The following CCDC157 variants were observed in gnomAD, a reference collection of about 807,000 sequenced individuals.
The protein encoded by CCDC157 is coiled-coil domain-containing protein 157.
A neutral mutation model predicts 70.9 loss-of-function variants in CCDC157; 60 were observed. The observed-to-expected ratio is 0.85, with a 90% CI of 0.69 to 1.05. CCDC157 has a LOEUF of 1.05. CCDC157 is among the 50% of genes least tolerant of loss of function. The probability of loss-of-function intolerance (pLI) is 0.00; values close to 1 mark genes in which losing one functional copy is unlikely to be tolerated. For missense variants in CCDC157, 943 were observed against 984.2 expected (o/e 0.96, Z 0.56); for synonymous variants, 373 against 422.4 (o/e 0.88, Z 1.43).
At chr22:30,365,818 C>A in intron 2 of CCDC157, 172 bp from the exon 3 acceptor site, 1 of 641,422 alleles carries the variant, frequency 1.6e-6, no homozygotes, top group Non-Finnish European at 2.7e-6. Context: ...TAAGGCCACC[C>A]AGAACCGGGT....
rs751342578 is a variant in CCDC157, at chr22:30,372,258, G to A, written c.1307G>A (p.Arg436His). The A allele has an allele frequency of 6.9e-6, 11 of 1,587,642 alleles. No individual in the cohort carries two copies. The highest frequency in any genetic ancestry group is 2.3e-5 in the South Asian group (2 of 88,450). The change falls in exon 7 of 12, where the codon CGT (arginine) becomes CAT (histidine). Residue 436 changes from arginine (R) to histidine (H), a missense_variant. By Grantham distance (29) the Arg-to-His change is conservative. Coordinates refer to ENST00000338306, the MANE Select transcript of CCDC157 (RefSeq NM_001017437.5). ...ACGGAGCTGGATAAGGAGAAGGCCC[G>A]TGTCGACAGCATGGTCCGCCACCAG... The part of the protein sequence containing the change: ...ASTELDKEKA[R>H]VDSMVRHQES...
At chr22:30,364,771 C>T (rs555159590) in intron 2 of CCDC157, among the ~76,000 whole-genome samples, 36 of 150,708 alleles carry the variant, frequency 2.4e-4, no homozygotes, top group Non-Finnish European at 3.5e-4. Context: ...GCTGAGATCA[C>T]GCCACTGTAC....
intron 5 of CCDC157, 71 bp downstream of exon 5, chr22:30,371,021 GAC>G (rs1932916224): frequency 3.3e-6 from 5 of 1,502,262 alleles, no homozygotes; most frequent in Non-Finnish European, 4.5e-6. Flanking sequence ...ATGTTTGTGA[GAC>G]AGGGCTTCCA....
intron 1 of CCDC157, among the ~76,000 whole-genome samples, chr22:30,360,135 C>A (rs1932228933): frequency 6.6e-6 from 1 of 152,114 alleles, no homozygotes; most frequent in Admixed American, 6.5e-5. Flanking sequence ...CAGAGTGAGA[C>A]CCTGTCTCTA....
At chr22:30,364,383 G>A (rs1396771931) in intron 2 of CCDC157, among the ~76,000 whole-genome samples, 1 of 152,006 alleles carries the variant, frequency 6.6e-6, no homozygotes, top group African/African-American at 2.4e-5. Context: ...CAAATTTAAG[G>A]TGATGGATAT....
intron 3 of CCDC157, chr22:30,368,854 C>T (rs2145907332): frequency 1.3e-5 from 2 of 152,360 alleles, no homozygotes; most frequent in Admixed American, 1.3e-4. Flanking sequence ...CTTTTTCTTA[C>T]AATTCATGCC....
rs377629910 is a variant in CCDC157 at position 30,366,231 on chromosome 22, G to A, written c.231G>A (p.Leu77=). 45 of 1,613,664 alleles carry A rather than the reference G, an allele frequency of 2.8e-5. No homozygotes were observed. The highest frequency in any genetic ancestry group is 3.5e-5 in the Non-Finnish European group (41 of 1,180,040). ...CGCAGCTGTCCCATGCCGTGCTGCT[G>A]GAGCTGGTCATCGACAGGTGAGGGC... is the stretch of plus-strand genomic sequence containing the variant. ...EFTQLSHAVL[L]ELVIDRLLLL... The change falls in exon 3 of 12, where the codon CTG becomes CTA. Residue 77 remains leucine (L), a synonymous_variant. Coordinates refer to ENST00000338306, the MANE Select transcript of CCDC157 (RefSeq NM_001017437.5).
At chr22:30,356,650 G>A (rs988155707), upstream of CCDC157, 4 of 1,131,158 alleles carry the variant, frequency 3.5e-6, no homozygotes, top group Middle Eastern at 2.2e-4. Context: ...CTTCATAGCG[G>A]CCGGCCGCTT....
upstream of CCDC157, chr22:30,356,654 G>T: frequency 8.6e-7 from 1 of 1,167,342 alleles, no homozygotes; most frequent in Non-Finnish European, 1.1e-6. Flanking sequence ...ATAGCGGCCG[G>T]CCGCTTATTC....
intron 2 of CCDC157, among the ~76,000 whole-genome samples, chr22:30,364,404 C>T (rs1932576478): frequency 6.6e-6 from 1 of 152,098 alleles, no homozygotes. Context: ...TCTAAGTACA[C>T]TGATTTGATC....
At position 30,377,738 on chromosome 22, in the gene CCDC157, G is replaced by A. The variant is rs1933437191; in HGVS notation, c.*993G>A. The A allele has an allele frequency of 5.3e-6, 1 of 190,416 alleles. No individual in the cohort carries two copies. The allele number at this position is 190,416 out of a possible 1,614,324, so 11.8% of individuals were successfully genotyped here. ...CCTGAGGGAGGCTGGGGTGCCCCGG[G>A]CACCCCCCTCACAGGGGAGCACCAT... On this transcript the variant is annotated 3_prime_UTR_variant, in exon 12 of 12. Coordinates refer to ENST00000338306, the MANE Select transcript of CCDC157 (RefSeq NM_001017437.5).
Position 30,370,535 on chromosome 22 carries a change from C to A in CCDC157, c.630C>A (p.His210Gln), listed in dbSNP as rs748822040. Residue 210 changes from histidine to glutamine, a missense_variant, in exon 5 of 12, where the codon CAC (histidine) becomes CAA (glutamine). Transcript: ENST00000338306. ...ATTFKNTRSV[H>Q]SQTIETALVP... ...CCTTCAAGAACACCAGGAGTGTCCA[C>A]TCCCAGACCATTGAGACGGCCCTGG... 13 of 1,614,106 alleles carry A rather than the reference C, an allele frequency of 8.1e-6. No homozygotes were observed. The South Asian group carries it at 1.3e-4, about 16-fold the overall frequency.
intron 10 of CCDC157, chr22:30,376,045 T>A: frequency 1.8e-6 from 1 of 554,918 alleles, no homozygotes; most frequent in East Asian, 3.0e-5. Flanking sequence ...AGAAGCCATG[T>A]CAGAAAGAAA....
chr22:30,361,537 G>T (rs960540165), intron 1 of CCDC157, among the ~76,000 whole-genome samples: 6 of 152,106 alleles, frequency 3.9e-5, no homozygotes, highest in African/African-American at 1.4e-4. Flanking sequence ...GCCATATTTT[G>T]GGGTAGCATT....
intron 7 of CCDC157, 118 bp downstream of exon 7, chr22:30,372,404 C>A: frequency 3.0e-6 from 4 of 1,333,476 alleles, no homozygotes; most frequent in Non-Finnish European, 4.0e-6. Context: ...TGAGATGCCT[C>A]CAGGTGTGGG....
intron 9 of CCDC157, chr22:30,374,954 CTTTTTTTTTTTTT>C (rs10611353): frequency 8.4e-6 from 2 of 237,216 alleles, no homozygotes; most frequent in Admixed American, 6.5e-5. Flanking sequence ...TTTGCTAAGT[CTTTTTTTTTTTTT>C]TTTTTTTTTT....
rs1933147372 is a variant in CCDC157, at chr22:30,373,992, A to G, written c.1573A>G (p.Ile525Val). ...EQATTDLRLT[I>V]LELERELEEL... ...GGCGACTACGGACCTGCGGCTAACC[A>G]TCCTGGAGCTAGAACGGGAGCTGGA... The change falls in exon 9 of 12, where the codon ATC (isoleucine) becomes GTC (valine). Residue 525 changes from isoleucine to valine, a missense_variant. Transcript: ENST00000338306. 1.2e-6 allele frequency: 2 copies of G among 1,612,856 alleles called. No individual in the cohort carries two copies. Among genetic ancestry groups the G allele is most frequent in the East Asian group, 2.2e-5 (1 of 44,838 alleles).
chr22:30,375,824 G>C, intron 10 of CCDC157, 161 bp downstream of exon 10: 1 of 648,708 alleles, frequency 1.5e-6, no homozygotes, highest in Non-Finnish European at 2.6e-6. Flanking sequence ...GAAGGCGTGA[G>C]GATGTTATGG....
chr22:30,369,618 C>T lies in CCDC157; in HGVS notation c.420+15C>T. 1 of 1,515,594 alleles carries T rather than the reference C, an allele frequency of 6.6e-7. No homozygotes were observed. Among genetic ancestry groups the T allele is most frequent in the South Asian group, 1.2e-5 (1 of 81,190 alleles). The allele number at this position is 1,515,594 out of a possible 1,614,324, so 93.9% of individuals were successfully genotyped here. ...CACTCCCCCAGGTGGGTCCCAGCCT[C>T]TGTCTCAGGTGGGTCAGCCTCAGCC... On this transcript the variant is annotated intron_variant, in intron 4 of 11. Transcript: ENST00000338306.
Sources: gnomAD v4.1 joint callset for allele counts (sites outside exome capture counted in the v4.1 genomes callset) on GRCh38, gnomAD v4.1.1 for gene constraint, MANE v1.5 for transcripts, NCBI Gene and HGNC (gene_info 2026-07-23, HGNC 2026-07-21) for gene names.